The following GRIK1 variants were observed in gnomAD, a reference collection of about 807,000 sequenced individuals.
GRIK1 encodes glutamate receptor ionotropic, kainate 1.
In GRIK1, 69 loss-of-function variants were observed where a neutral mutation model predicts 105.7. That is an observed-to-expected ratio of 0.65 (90% CI 0.54 to 0.80). GRIK1 has a LOEUF of 0.80. Among genes scored for constraint, GRIK1 ranks in the 30% least tolerant of loss-of-function variants. The probability of loss-of-function intolerance (pLI) is 0.00; values close to 1 mark genes in which losing one functional copy is unlikely to be tolerated. For missense variants in GRIK1, 1,109 were observed against 1,167.3 expected (o/e 0.95, Z 0.73); for synonymous variants, 438 against 431.3 (o/e 1.02, Z -0.19).
At chr21:29,797,656 G>A (rs1388005148) in intron 1 of GRIK1, among the ~76,000 whole-genome samples, 1 of 152,090 alleles carries the variant, frequency 6.6e-6, no homozygotes, top group Non-Finnish European at 1.5e-5. Flanking sequence ...TGTTGAATTT[G>A]CAAGGATAGT....
At chr21:29,542,682 T>A (rs2089990464) in intron 16 of GRIK1, among the ~76,000 whole-genome samples, 1 of 152,248 alleles carries the variant, frequency 6.6e-6, no homozygotes, top group Admixed American at 6.5e-5. Flanking sequence ...ATTTATACAT[T>A]CACATCTTTC....
intron 1 of GRIK1, among the ~76,000 whole-genome samples, chr21:29,835,683 T>TCG (rs755556844): frequency 3.9e-5 from 6 of 152,172 alleles, no homozygotes; most frequent in Non-Finnish European, 7.4e-5. Flanking sequence ...ATCCTATAAA[T>TCG]CCATCTGGTC....
intron 16 of GRIK1, among the ~76,000 whole-genome samples, chr21:29,538,115 A>C (rs150462456): frequency 0.013 from 1,973 of 152,318 alleles, 15 homozygotes; most frequent in Middle Eastern, 0.037. Context: ...CAATTATGCT[A>C]TATCTGTTCA....
intron 10 of GRIK1, among the ~76,000 whole-genome samples, chr21:29,590,282 A>G (rs759126010): frequency 3.3e-5 from 5 of 152,228 alleles, no homozygotes; most frequent in African/African-American, 1.2e-4. Flanking sequence ...CTCACAAGTT[A>G]ATAATATCAA....
Position 29,596,546 on chromosome 21 carries a change from A to G in GRIK1, c.1231T>C (p.Leu411=), listed in dbSNP as rs1568864662. ...CAAACCTTCTTCCACACTTTATACA[A>G]GTGTTTAGACACTTCGCCAGCAGCC... ...EKAAGEVSKH[L]YKVWKKIGIW... is the part of the protein sequence containing the mutation. The change falls in exon 9 of 18, where the codon TTG becomes CTG. Residue 411 remains leucine, a synonymous_variant. Coordinates refer to ENST00000327783, the MANE Select transcript of GRIK1 (RefSeq NM_001330994.2). 6.2e-7 allele frequency: 1 copy of G among 1,610,396 alleles called. No individual in the cohort carries two copies. Among genetic ancestry groups the G allele is most frequent in the East Asian group, 2.2e-5 (1 of 44,868 alleles).
chr21:29,919,277 C>T (rs2071109115), intron 1 of GRIK1, among the ~76,000 whole-genome samples: 1 of 152,106 alleles, frequency 6.6e-6, no homozygotes, highest in African/African-American at 2.4e-5. Flanking sequence ...TCCTAAAAGT[C>T]CACGGAGGTA....
At chr21:29,625,250 T>C (rs1260713235) in intron 7 of GRIK1, among the ~76,000 whole-genome samples, 4 of 152,186 alleles carry the variant, frequency 2.6e-5, no homozygotes, top group Admixed American at 6.5e-5. Flanking sequence ...TAAAATGCAA[T>C]CTTTCTCAAA....
At chr21:29,907,934 A>C (rs1312423073) in intron 1 of GRIK1, among the ~76,000 whole-genome samples, 1 of 152,134 alleles carries the variant, frequency 6.6e-6, no homozygotes, top group Non-Finnish European at 1.5e-5. Context: ...AAGTTTTACT[A>C]TTGTTTTGGT....
chr21:29,832,205 C>G (rs2067662228), intron 1 of GRIK1, among the ~76,000 whole-genome samples: 1 of 152,182 alleles, frequency 6.6e-6, no homozygotes, highest in South Asian at 2.1e-4. Flanking sequence ...CTGCAGGGTG[C>G]ATCCCCCTCA....
At chr21:29,595,449 T>C (rs2061395455) in intron 9 of GRIK1, among the ~76,000 whole-genome samples, 1 of 151,998 alleles carries the variant, frequency 6.6e-6, no homozygotes, top group Non-Finnish European at 1.5e-5. Context: ...AGTAGCCTTG[T>C]TCACTGAAGA....
chr21:29,574,201 T>C (rs1184122810), intron 14 of GRIK1, among the ~76,000 whole-genome samples: 1 of 152,220 alleles, frequency 6.6e-6, no homozygotes, highest in Admixed American at 6.5e-5. Context: ...TCTAAAAACA[T>C]CTGGTCTGAA....
chr21:29,762,324 A>C (rs147585788), intron 1 of GRIK1, among the ~76,000 whole-genome samples: 2,840 of 152,318 alleles, frequency 0.019, 47 homozygotes, highest in Middle Eastern at 0.031. Context: ...CTAACTTAAA[A>C]ATAAGACATG....
chr21:29,742,274 T>A (rs1010005052), intron 1 of GRIK1, among the ~76,000 whole-genome samples: 1 of 151,484 alleles, frequency 6.6e-6, no homozygotes, highest in Non-Finnish European at 1.5e-5. Flanking sequence ...AAACTGAGTG[T>A]CTTTAATTGA....
chr21:29,779,056 C>A (rs182103498), intron 1 of GRIK1, among the ~76,000 whole-genome samples: 4 of 152,184 alleles, frequency 2.6e-5, no homozygotes, highest in African/African-American at 9.6e-5. Flanking sequence ...ACATGGTGAT[C>A]TCACAGATAG....
At chr21:29,880,135 G>A (rs898238690) in intron 1 of GRIK1, among the ~76,000 whole-genome samples, 2 of 152,034 alleles carry the variant, frequency 1.3e-5, no homozygotes, top group Non-Finnish European at 2.9e-5. Context: ...CACCTCTGAT[G>A]TAATCAAATA....
intron 14 of GRIK1, among the ~76,000 whole-genome samples, chr21:29,575,404 T>C (rs2146232005): frequency 6.6e-6 from 1 of 152,298 alleles, no homozygotes; most frequent in Non-Finnish European, 1.5e-5. Context: ...CTAAAAGCCC[T>C]ATATCCATCT....
intron 1 of GRIK1, among the ~76,000 whole-genome samples, chr21:29,729,833 A>G (rs1227154270): frequency 2.0e-5 from 3 of 152,196 alleles, no homozygotes. Flanking sequence ...TCCTAAACTT[A>G]AAAAGTGATT....
At chr21:29,932,016 C>T (rs1303813521) in intron 1 of GRIK1, among the ~76,000 whole-genome samples, 4 of 152,098 alleles carry the variant, frequency 2.6e-5, no homozygotes, top group African/African-American at 9.7e-5. Flanking sequence ...TGAAAACACA[C>T]AGGCATAATT....
rs35127743 is a variant in GRIK1 at position 29,813,913 on chromosome 21, C to CT, written c.119-119851dup. Among the ~76,000 whole-genome samples the CT allele has an allele frequency of 9.0e-3, 1,136 of 126,240 alleles. 10 individuals are homozygous for CT. Among genetic ancestry groups the CT allele is most frequent in the African/African-American group, 0.019 (649 of 34,470 alleles). The allele number at this position is 126,240 out of a possible 152,430, so 82.8% of individuals were successfully genotyped here. Reference sequence around the variant, plus strand: ...CACGGGTTAGACCCCAAGAAACATTCTTTTTTTTTTTTTTTTTTGAGATGG... The same window carrying CT: ...CACGGGTTAGACCCCAAGAAACATTCTTTTTTTTTTTTTTTTTTTGAGATGG... On this transcript the variant is annotated intron_variant, in intron 1 of 17. Transcript: ENST00000327783.
Sources: allele counts gnomAD v4.1 joint callset (sites outside exome capture counted in the v4.1 genomes callset), GRCh38; gene constraint gnomAD v4.1.1; transcripts MANE v1.5; gene names NCBI Gene and HGNC (gene_info 2026-07-23, HGNC 2026-07-21).